The following STK3 variants were observed in gnomAD, a reference collection of about 807,000 sequenced individuals.
STK3 encodes serine/threonine-protein kinase 3.
In STK3, 41 loss-of-function variants were observed where a neutral mutation model predicts 58.0. That is an observed-to-expected ratio of 0.71 (90% CI 0.55 to 0.92). The LOEUF is 0.92. Among genes scored for constraint, STK3 ranks in the 40% least tolerant of loss-of-function variants. The probability of loss-of-function intolerance (pLI) is 0.00; values close to 1 mark genes in which losing one functional copy is unlikely to be tolerated. For missense variants in STK3, 479 were observed against 602.7 expected (o/e 0.79, Z 2.15); for synonymous variants, 170 against 191.0 (o/e 0.89, Z 0.91).
At chr8:98,563,480 T>C (rs1812226572) in intron 8 of STK3, among the ~76,000 whole-genome samples, 1 of 152,148 alleles carries the variant, frequency 6.6e-6, no homozygotes, top group Non-Finnish European at 1.5e-5. Context: ...TACACACATA[T>C]ATCTCCTTGC....
chr8:98,369,476 G>A (rs927242972), downstream of STK3, among the ~76,000 whole-genome samples: 1 of 152,090 alleles, frequency 6.6e-6, no homozygotes, highest in Non-Finnish European at 1.5e-5. Flanking sequence ...GTGAAGGCTG[G>A]GCAGAAGGCT....
chr8:98,383,818 C>T (rs915607814), intron 1 of STK3, among the ~76,000 whole-genome samples: 2 of 152,204 alleles, frequency 1.3e-5, no homozygotes, highest in African/African-American at 4.8e-5. Context: ...GGAGGAAAAA[C>T]GTACAGTCTC....
intron 3 of STK3, among the ~76,000 whole-genome samples, chr8:98,832,686 C>T (rs1368451015): frequency 1.3e-5 from 2 of 151,974 alleles, no homozygotes; most frequent in Non-Finnish European, 2.9e-5. Flanking sequence ...TCTCTGGGGT[C>T]CCCTTGGCCA....
chr8:98,936,515 G>A (rs1009610866), intron 1 of STK3, among the ~76,000 whole-genome samples: 3 of 152,140 alleles, frequency 2.0e-5, no homozygotes, highest in Non-Finnish European at 4.4e-5. Flanking sequence ...CTCTGCTATT[G>A]CTCCCTTGCT....
intron 1 of STK3, among the ~76,000 whole-genome samples, chr8:98,923,850 T>TGCGCGC (rs1210763605): frequency 1.6e-5 from 2 of 121,596 alleles, no homozygotes; most frequent in Non-Finnish European, 3.3e-5. Context: ...TGTGTGTGTG[T>TGCGCGC]GTGTGCGCGC....
intron 3 of STK3, among the ~76,000 whole-genome samples, chr8:98,870,190 C>T (rs1036652998): frequency 2.0e-5 from 3 of 152,178 alleles, no homozygotes; most frequent in Non-Finnish European, 4.4e-5. Context: ...TTTTTTATGG[C>T]TGCATAGTAT....
intron 3 of STK3, among the ~76,000 whole-genome samples, chr8:98,763,254 T>G (rs192839917): frequency 2.6e-3 from 390 of 152,358 alleles, no homozygotes; most frequent in Non-Finnish European, 3.8e-3. Flanking sequence ...ACTCATTAAA[T>G]GTATACTCTG....
intron 6 of STK3, among the ~76,000 whole-genome samples, chr8:98,683,666 T>C (rs562701596): frequency 6.6e-6 from 1 of 152,190 alleles, no homozygotes; most frequent in East Asian, 1.9e-4. Context: ...AAAGAAAAGA[T>C]TTTTTAAATC....
intron 10 of STK3, among the ~76,000 whole-genome samples, chr8:98,468,777 G>C (rs17371445): frequency 0.027 from 4,122 of 152,312 alleles, 89 homozygotes; most frequent in Middle Eastern, 0.095. Context: ...GGTTATGTCA[G>C]CATTTTAGAC....
rs540419025 is a variant in STK3 at position 98,522,031 on chromosome 8, A to G, written c.1317+4711T>C. Among the ~76,000 whole-genome samples, 60 of 152,326 alleles carry G rather than the reference A, an allele frequency of 3.9e-4. 1 individual carries two copies. The highest frequency in any genetic ancestry group is 1.4e-3 in the African/African-American group (60 of 41,576). On this transcript the variant is annotated intron_variant, in intron 10 of 10. Transcript: ENST00000419617. Reference sequence around the variant, plus strand: ...CACAGTGCCTAGCACAATCCAAAGTAAAATATTTGTTAAATTAGCTTAATG... The same window carrying G: ...CACAGTGCCTAGCACAATCCAAAGTGAAATATTTGTTAAATTAGCTTAATG...
intron 7 of STK3, among the ~76,000 whole-genome samples, chr8:98,581,357 T>C (rs1279856135): frequency 1.3e-5 from 2 of 152,174 alleles, no homozygotes; most frequent in East Asian, 3.9e-4. Flanking sequence ...TTCTTATTCC[T>C]GCCTGGTAGG....
intron 6 of STK3, among the ~76,000 whole-genome samples, chr8:98,627,026 T>C (rs1468783360): frequency 6.6e-6 from 1 of 152,184 alleles, no homozygotes; most frequent in Non-Finnish European, 1.5e-5. Context: ...CCCCACTTCA[T>C]ACCTGGAAAA....
At chr8:98,456,171 G>T (rs1015662344) in intron 10 of STK3, among the ~76,000 whole-genome samples, 171 bp from the exon 11 acceptor site, 1 of 152,164 alleles carries the variant, frequency 6.6e-6, no homozygotes, top group South Asian at 2.1e-4. Flanking sequence ...TTTCTTCCTT[G>T]AAGAACTCAG....
At chr8:98,924,849 C>A (rs1330112922) in intron 1 of STK3, among the ~76,000 whole-genome samples, 1 of 152,176 alleles carries the variant, frequency 6.6e-6, no homozygotes, top group African/African-American at 2.4e-5. Context: ...ATGAACCTCT[C>A]TTTCTCTTCC....
At chr8:98,940,929 T>G (rs1419904102) in intron 1 of STK3, among the ~76,000 whole-genome samples, 2 of 152,200 alleles carry the variant, frequency 1.3e-5, no homozygotes, top group African/African-American at 4.8e-5. Flanking sequence ...GCCCTGAGAA[T>G]AGGCCCAGGC....
chr8:98,902,706 G>A (rs2131955949), intron 1 of STK3, among the ~76,000 whole-genome samples: 1 of 152,310 alleles, frequency 6.6e-6, no homozygotes, highest in African/African-American at 2.4e-5. Context: ...ATAGTAAATG[G>A]GGTCATGTCA....
At chr8:98,427,946 C>A (rs1174323024) in intron 3 of STK3, 1 of 1,463,926 alleles carries the variant, frequency 6.8e-7, no homozygotes, top group East Asian at 2.5e-5. Context: ...AGGTGTAGCG[C>A]CCCCGCGCGG....
At chr8:98,483,463 A>G (rs1400086528) in intron 10 of STK3, among the ~76,000 whole-genome samples, 6 of 152,240 alleles carry the variant, frequency 3.9e-5, no homozygotes, top group Non-Finnish European at 7.3e-5. Flanking sequence ...AAATGGGCCA[A>G]TGTGCTCTGT....
intron 10 of STK3, among the ~76,000 whole-genome samples, chr8:98,481,487 A>C (rs1421251750): frequency 6.6e-6 from 1 of 152,216 alleles, no homozygotes; most frequent in Non-Finnish European, 1.5e-5. Context: ...GAAGTAACTC[A>C]GGAAAGGAAA....
Sources: allele counts gnomAD v4.1 joint callset (sites outside exome capture counted in the v4.1 genomes callset), GRCh38; gene constraint gnomAD v4.1.1; transcripts MANE v1.5; gene names NCBI Gene and HGNC (gene_info 2026-07-23, HGNC 2026-07-21).